GPATCH2: variants seen among roughly 807,000 people sequenced by gnomAD.
GPATCH2 encodes the protein G-patch domain containing 2, also known as G patch domain-containing protein 2.
In GPATCH2, 51 loss-of-function variants were observed where a neutral mutation model predicts 58.0. The observed-to-expected ratio is 0.88, with a 90% CI of 0.70 to 1.11. The LOEUF (loss-of-function observed/expected upper bound fraction) is 1.11. GPATCH2 is among the 50% of genes most tolerant of loss of function. The pLI is 0.00. For missense variants in GPATCH2, 625 were observed against 652.2 expected (o/e 0.96, Z 0.45); for synonymous variants, 222 against 218.5 (o/e 1.02, Z -0.14).
chr1:217,587,851 A>G (rs4846426), intron 5 of GPATCH2, among the ~76,000 whole-genome samples: 40,839 of 152,028 alleles, frequency 0.27, 5,846 homozygotes, highest in East Asian at 0.52. Context: ...CAGCCTATTA[A>G]ATAGGTATTA....
intron 5 of GPATCH2, among the ~76,000 whole-genome samples, chr1:217,564,176 G>A (rs952962022): frequency 2.8e-4 from 42 of 151,060 alleles, no homozygotes; most frequent in African/African-American, 9.5e-4. Flanking sequence ...TATCTTACTC[G>A]AAGTCCGATA....
intron 8 of GPATCH2, among the ~76,000 whole-genome samples, chr1:217,471,635 CT>C (rs1660726688): frequency 6.6e-6 from 1 of 152,100 alleles, no homozygotes; most frequent in Non-Finnish European, 1.5e-5. Context: ...TAGGAATGTT[CT>C]TTCTAACTTG....
At chr1:217,513,981 C>T (rs12120492) in intron 6 of GPATCH2, among the ~76,000 whole-genome samples, 5 of 151,190 alleles carry the variant, frequency 3.3e-5, no homozygotes, top group African/African-American at 7.3e-5. Flanking sequence ...TGCGCCACCA[C>T]GACCAGCTAA....
chr1:217,466,403 T>G (rs1279395376), intron 8 of GPATCH2, among the ~76,000 whole-genome samples: 1 of 152,102 alleles, frequency 6.6e-6, no homozygotes, highest in Non-Finnish European at 1.5e-5. Flanking sequence ...TTTCTTCCTT[T>G]TTGTGGAGAA....
chr1:217,609,858 C>T (rs1301532223), intron 5 of GPATCH2: 1 of 1,018,742 alleles, frequency 9.8e-7, no homozygotes, highest in Non-Finnish European at 1.2e-6. Context: ...TTTGGCAAAG[C>T]AAGTATACAT....
chr1:217,568,775 G>A (rs988150006), intron 5 of GPATCH2, among the ~76,000 whole-genome samples: 3 of 152,188 alleles, frequency 2.0e-5, no homozygotes, highest in Non-Finnish European at 2.9e-5. Context: ...AGTGAGACAG[G>A]AGGCCATTCA....
chr1:217,521,696 A>C (rs1031039124), intron 5 of GPATCH2, among the ~76,000 whole-genome samples: 2 of 152,200 alleles, frequency 1.3e-5, no homozygotes, highest in African/African-American at 4.8e-5. Flanking sequence ...TATGTGAAAG[A>C]ACTTGGGGGA....
intron 8 of GPATCH2, among the ~76,000 whole-genome samples, chr1:217,459,384 T>C (rs576171288): frequency 1.3e-5 from 2 of 152,282 alleles, no homozygotes; most frequent in East Asian, 1.9e-4. Flanking sequence ...TGAACTGAAA[T>C]TGGATATTGT....
intron 8 of GPATCH2, among the ~76,000 whole-genome samples, chr1:217,471,564 C>T (rs1185329435): frequency 6.6e-6 from 1 of 152,132 alleles, no homozygotes. Context: ...TCTGTTACAT[C>T]TGCAACAAAA....
chr1:217,609,404 GT>G, intron 5 of GPATCH2: 1 of 983,068 alleles, frequency 1.0e-6, no homozygotes, highest in South Asian at 4.7e-5. Context: ...TAATTTTGAT[GT>G]GTTTCAGGTA....
chr1:217,577,983 G>A (rs1325475553), intron 5 of GPATCH2, among the ~76,000 whole-genome samples: 2 of 150,750 alleles, frequency 1.3e-5, no homozygotes, highest in Non-Finnish European at 3.0e-5. Flanking sequence ...CCAACCTCAG[G>A]TGATCCGTCC....
chr1:217,605,717 C>CA (rs1668329626), intron 5 of GPATCH2, among the ~76,000 whole-genome samples: 1 of 152,124 alleles, frequency 6.6e-6, no homozygotes, highest in East Asian at 1.9e-4. Context: ...CTCTGACCTA[C>CA]AAAAAATACT....
intron 9 of GPATCH2, among the ~76,000 whole-genome samples, chr1:217,442,928 G>T (rs976438677): frequency 6.6e-6 from 1 of 151,928 alleles, no homozygotes; most frequent in East Asian, 1.9e-4. Context: ...TTCCTTTCTG[G>T]AATTTATTGC....
At chr1:217,604,599 A>T (rs192862629) in intron 5 of GPATCH2, among the ~76,000 whole-genome samples, 1 of 152,220 alleles carries the variant, frequency 6.6e-6, no homozygotes, top group East Asian at 1.9e-4. Context: ...ATGTTAGATA[A>T]TCAGTCATGG....
At chr1:217,509,908 TA>T in intron 6 of GPATCH2, among the ~76,000 whole-genome samples, 1 of 151,966 alleles carries the variant, frequency 6.6e-6, no homozygotes, top group African/African-American at 2.4e-5. Flanking sequence ...AAGGAAAAAA[TA>T]AGAGAGATAG....
At chr1:217,621,017 G>A (rs962910108) in intron 1 of GPATCH2, among the ~76,000 whole-genome samples, 6 of 152,184 alleles carry the variant, frequency 3.9e-5, no homozygotes, top group African/African-American at 1.4e-4. Flanking sequence ...ATACGTGAAA[G>A]TTTAACCAAC....
intron 5 of GPATCH2, among the ~76,000 whole-genome samples, chr1:217,541,230 C>T (rs948110311): frequency 2.6e-5 from 4 of 152,206 alleles, no homozygotes; most frequent in African/African-American, 9.7e-5. Context: ...AATCATTACT[C>T]ATACTGAAAA....
chr1:217,465,792 TAACAACTAGCTACTAAA>T (rs1159828426), intron 8 of GPATCH2, among the ~76,000 whole-genome samples: 1 of 152,114 alleles, frequency 6.6e-6, no homozygotes, highest in Non-Finnish European at 1.5e-5. Flanking sequence ...TATAAAACAA[TAACAACTAGCTACTAAA>T]AAAGGATAAC....
intron 8 of GPATCH2, among the ~76,000 whole-genome samples, chr1:217,489,817 G>A (rs978041834): frequency 6.6e-6 from 1 of 152,074 alleles, no homozygotes; most frequent in Non-Finnish European, 1.5e-5. Flanking sequence ...AGTGGAGATC[G>A]CACCATTGCA....
Sources: gnomAD v4.1 joint callset for allele counts (sites outside exome capture counted in the v4.1 genomes callset) on GRCh38, gnomAD v4.1.1 for gene constraint, MANE v1.5 for transcripts, NCBI Gene and HGNC (gene_info 2026-07-23, HGNC 2026-07-21) for gene names.